The following MRAS variants were observed in gnomAD, a reference collection of about 807,000 sequenced individuals.
The protein encoded by MRAS is muscle RAS oncogene homolog.
In MRAS, 4 loss-of-function variants were observed where a neutral mutation model predicts 20.9. The observed-to-expected ratio is 0.19, with a 90% CI of 0.09 to 0.44. MRAS has a LOEUF of 0.44. Ranked by LOEUF, MRAS falls within the 20% of genes least tolerant of loss-of-function variation. MRAS has a pLI of 0.99. For synonymous variants in MRAS, 98 were observed against 102.9 expected, an observed-to-expected ratio of 0.95 and a Z score of 0.29; for missense variants, 154 against 277.5, an observed-to-expected ratio of 0.56 and a Z score of 3.16.
chr3:138,397,285 A>G (rs543176058), intron 2 of MRAS, 39 bp from the exon 3 acceptor site: 18 of 1,607,278 alleles, frequency 1.1e-5, no homozygotes, highest in African/African-American at 4.0e-5. Flanking sequence ...GCTACAGGGT[A>G]GGTGAGGACA....
chr3:138,398,370 T>G (rs970953797), intron 3 of MRAS, 99 bp from the exon 4 acceptor site: 42 of 944,356 alleles, frequency 4.4e-5, no homozygotes, highest in Non-Finnish European at 6.5e-5. Context: ...GGAGGTGCTG[T>G]GGGCTGGCTG....
chr3:138,366,801 C>A (rs2054568754), intron 1 of MRAS, among the ~76,000 whole-genome samples: 1 of 152,196 alleles, frequency 6.6e-6, no homozygotes, highest in African/African-American at 2.4e-5. Context: ...CTTCTGGGCA[C>A]CATTTTTCCT....
intron 1 of MRAS, among the ~76,000 whole-genome samples, chr3:138,363,831 C>CCT (rs2054505163): frequency 8.3e-6 from 1 of 121,032 alleles, no homozygotes; most frequent in Non-Finnish European, 1.9e-5. Flanking sequence ...CCCCCCCCCC[C>CCT]CCCAAACCAC....
intron 2 of MRAS, among the ~76,000 whole-genome samples, chr3:138,381,604 C>T (rs1040688690): frequency 2.6e-5 from 4 of 152,208 alleles, no homozygotes; most frequent in Non-Finnish European, 5.9e-5. Context: ...CGGTGGAGAA[C>T]AGCAGTGGGC....
chr3:138,355,599 T>G (rs2054315383), intron 1 of MRAS, among the ~76,000 whole-genome samples: 2 of 152,168 alleles, frequency 1.3e-5, no homozygotes, highest in Non-Finnish European at 2.9e-5. Flanking sequence ...GCTGAGAATG[T>G]CTTGAAACAT....
chr3:138,357,085 C>T (rs1317191511), intron 1 of MRAS, among the ~76,000 whole-genome samples: 1 of 152,224 alleles, frequency 6.6e-6, no homozygotes, highest in African/African-American at 2.4e-5. Context: ...AGGAGCAGGT[C>T]ACTTGGCACT....
Position 138,402,264 on chromosome 3 carries a change from T to C in MRAS, c.622T>C (p.Leu208=). 6.2e-7 allele frequency: 1 copy of C among 1,614,090 alleles called. No homozygotes were observed. Among genetic ancestry groups the C allele is most frequent in the Non-Finnish European group, 8.5e-7 (1 of 1,179,902 alleles). The part of the protein sequence containing the change: ...TGTHKLQCVI[L] ...CACCCACAAACTGCAATGTGTGATC[T>C]TGTGACAGGCCTGAGGCCCTGGGCA... Residue 208 remains leucine (L), a synonymous_variant, in exon 6 of 6, where the codon TTG becomes CTG. Transcript: ENST00000423968.
At chr3:138,360,530 G>C (rs1268713273) in intron 1 of MRAS, among the ~76,000 whole-genome samples, 1 of 152,224 alleles carries the variant, frequency 6.6e-6, no homozygotes, top group Non-Finnish European at 1.5e-5. Context: ...AGTGCTTTGG[G>C]AATTTGGACA....
At chr3:138,360,482 C>T (rs1161148560) in intron 1 of MRAS, among the ~76,000 whole-genome samples, 1 of 152,204 alleles carries the variant, frequency 6.6e-6, no homozygotes, top group African/African-American at 2.4e-5. Context: ...AAGGCAGGGC[C>T]AGTCAGGGGG....
chr3:138,400,274 C>A, intron 4 of MRAS: 2 of 396,048 alleles, frequency 5.0e-6, no homozygotes, highest in Non-Finnish European at 4.5e-6. Context: ...ATAAAAAGAT[C>A]ACTTTATTCT....
intron 5 of MRAS, among the ~76,000 whole-genome samples, chr3:138,400,887 C>T (rs770096230): frequency 6.6e-6 from 1 of 152,178 alleles, no homozygotes; most frequent in Non-Finnish European, 1.5e-5. Flanking sequence ...GCTCAGGCTC[C>T]CTGGAAGGCA....
chr3:138,386,235 A>G (rs1481770682), intron 2 of MRAS, among the ~76,000 whole-genome samples: 1 of 151,948 alleles, frequency 6.6e-6, no homozygotes, highest in African/African-American at 2.4e-5. Context: ...ACCCTGCTCA[A>G]AACCCCCCTT....
intron 2 of MRAS, among the ~76,000 whole-genome samples, chr3:138,390,780 G>A (rs1028246105): frequency 6.6e-6 from 1 of 152,220 alleles, no homozygotes; most frequent in African/African-American, 2.4e-5. Flanking sequence ...CAATGGATGG[G>A]TTCATACCAT....
intron 1 of MRAS, among the ~76,000 whole-genome samples, chr3:138,353,768 C>T (rs943519600): frequency 3.9e-5 from 6 of 152,158 alleles, no homozygotes; most frequent in Admixed American, 2.0e-4. Context: ...ACTTTATATT[C>T]GCTATCTCTA....
intron 2 of MRAS, among the ~76,000 whole-genome samples, chr3:138,375,691 C>G (rs1380937212): frequency 6.6e-6 from 1 of 152,092 alleles, no homozygotes; most frequent in Non-Finnish European, 1.5e-5. Context: ...TCCATCTTGG[C>G]CAGAAGCAGA....
intron 2 of MRAS, among the ~76,000 whole-genome samples, chr3:138,381,203 A>G (rs1357548448): frequency 6.6e-6 from 1 of 152,224 alleles, no homozygotes; most frequent in African/African-American, 2.4e-5. Flanking sequence ...TGCTATGAGC[A>G]TGGTATATAA....
intron 2 of MRAS, among the ~76,000 whole-genome samples, chr3:138,396,859 AGGG>A (rs1325001826): frequency 1.3e-5 from 2 of 152,022 alleles, no homozygotes; most frequent in East Asian, 3.9e-4. Context: ...CTTCTCCCCT[AGGG>A]GGTGCAAGGT....
intron 2 of MRAS, among the ~76,000 whole-genome samples, chr3:138,375,335 T>C (rs576451921): frequency 6.6e-6 from 1 of 152,348 alleles, no homozygotes; most frequent in South Asian, 2.1e-4. Flanking sequence ...TATTGGTCTA[T>C]AGTTTTCTTG....
rs2054700963 is a variant in MRAS at position 138,372,749 on chromosome 3, C to T, written c.-18-117C>T. 4 of 743,166 alleles carry T rather than the reference C, an allele frequency of 5.4e-6. No homozygotes were observed. The South Asian group carries it at 8.6e-5, about 16-fold the overall frequency. The allele number at this position is 743,166 out of a possible 1,614,324, so 46.0% of individuals were successfully genotyped here. A position where few individuals can be genotyped will look rare whatever the true frequency, so the allele number is the denominator to read the frequency against. ...GCTTTTATTTTCTTTTGCATTTCTTCATTTTCAAACCTCTTTATAATTGAG... is the reference window on the plus strand; with the variant it reads ...GCTTTTATTTTCTTTTGCATTTCTTTATTTTCAAACCTCTTTATAATTGAG... On this transcript the variant is annotated intron_variant, in intron 1 of 5. Coordinates refer to ENST00000423968, the MANE Select transcript of MRAS (RefSeq NM_001085049.3).
Sources: allele counts gnomAD v4.1 joint callset (sites outside exome capture counted in the v4.1 genomes callset), GRCh38; gene constraint gnomAD v4.1.1; transcripts MANE v1.5; gene names NCBI Gene and HGNC (gene_info 2026-07-23, HGNC 2026-07-21).